PLCB1: variants seen among roughly 807,000 people sequenced by gnomAD.
PLCB1 encodes the protein 1-phosphatidylinositol 4,5-bisphosphate phosphodiesterase beta-1.
A neutral mutation model predicts 161.8 loss-of-function variants in PLCB1; 46 were observed. The observed-to-expected ratio is 0.28, with a 90% CI of 0.22 to 0.36. The LOEUF (loss-of-function observed/expected upper bound fraction) is 0.36. PLCB1 is among the 10% of genes least tolerant of loss of function. The pLI, the probability that PLCB1 is intolerant of heterozygous loss-of-function variation, is 1.00. For synonymous variants in PLCB1, 517 were observed against 503.7 expected (o/e 1.03, Z -0.35); for missense variants, 1,016 against 1,472.5 (o/e 0.69, Z 5.07).
intron 2 of PLCB1, among the ~76,000 whole-genome samples, chr20:8,324,810 T>C (rs953704622): frequency 1.3e-5 from 2 of 152,232 alleles, no homozygotes; most frequent in East Asian, 1.9e-4. Flanking sequence ...AAAAATTTAC[T>C]TATGCTCAAA....
chr20:8,250,905 A>G (rs900340013), intron 2 of PLCB1, among the ~76,000 whole-genome samples: 6 of 152,006 alleles, frequency 3.9e-5, no homozygotes, highest in Admixed American at 3.3e-4. Flanking sequence ...GAGTGATACA[A>G]ACAAAACAAC....
At chr20:8,608,237 T>G (rs1275343292) in intron 3 of PLCB1, among the ~76,000 whole-genome samples, 2 of 152,168 alleles carry the variant, frequency 1.3e-5, no homozygotes, top group Non-Finnish European at 2.9e-5. Flanking sequence ...GCACAAAATT[T>G]AAATAATATG....
intron 3 of PLCB1, among the ~76,000 whole-genome samples, chr20:8,548,666 A>G (rs1185089674): frequency 1.3e-5 from 2 of 152,036 alleles, no homozygotes; most frequent in East Asian, 3.9e-4. Flanking sequence ...CAGATCACTT[A>G]TTTCTACTTA....
At chr20:8,649,086 T>C (rs1434933199) in intron 6 of PLCB1, among the ~76,000 whole-genome samples, 1 of 152,222 alleles carries the variant, frequency 6.6e-6, no homozygotes, top group Non-Finnish European at 1.5e-5. Context: ...TAAGGATGTT[T>C]ATTTTAGTGC....
intron 9 of PLCB1, among the ~76,000 whole-genome samples, chr20:8,662,106 A>ATATACAAT (rs1989663180): frequency 0.42 from 35 of 84 alleles, 3 homozygotes; most frequent in East Asian, 0.75. Flanking sequence ...TTATATAATT[A>ATATACAAT]TATATAATTA....
rs140739322 is a variant in PLCB1, at chr20:8,398,071, A to T, written c.246+26621A>T. The stretch of plus-strand genomic sequence containing the variant: ...GCAGTGTATTACAGAATCTTTATTC[A>T]CACAGTCTCACCACAAAGTGTATTG... On this transcript the variant is annotated intron_variant, in intron 3 of 31. Coordinates refer to ENST00000338037, the MANE Select transcript of PLCB1 (RefSeq NM_015192.4). Among the ~76,000 whole-genome samples, 493 of 152,212 alleles carry T rather than the reference A, an allele frequency of 3.2e-3. 6 individuals are homozygous for T. The highest frequency in any genetic ancestry group is 0.011 in the African/African-American group (475 of 41,540).
chr20:8,873,016 A>C (rs1471716026), intron 31 of PLCB1, among the ~76,000 whole-genome samples: 7 of 152,184 alleles, frequency 4.6e-5, no homozygotes, highest in Non-Finnish European at 8.8e-5. Context: ...GTACTGTTTC[A>C]TTTTGCCTTT....
At chr20:8,228,830 C>T (rs1251758471) in intron 2 of PLCB1, among the ~76,000 whole-genome samples, 1 of 152,006 alleles carries the variant, frequency 6.6e-6, no homozygotes, top group African/African-American at 2.4e-5. Context: ...TGATACATGT[C>T]TAGTGATCAA....
At chr20:8,648,782 T>A (rs1295108151) in intron 6 of PLCB1, among the ~76,000 whole-genome samples, 1 of 151,704 alleles carries the variant, frequency 6.6e-6, no homozygotes, top group African/African-American at 2.4e-5. Context: ...TTTGCAAAAA[T>A]TTTTAAAAAT....
At chr20:8,152,096 G>A (rs2123035427) in intron 2 of PLCB1, among the ~76,000 whole-genome samples, 1 of 152,162 alleles carries the variant, frequency 6.6e-6, no homozygotes. Flanking sequence ...CAGATAATGT[G>A]GTAGCAATTC....
rs1291948959 is a variant in PLCB1 at position 8,616,694 on chromosome 20, G to A, written c.247-11600G>A. On this transcript the variant is annotated intron_variant, in intron 3 of 31. Transcript: ENST00000338037. ...ATGAGACAGATGCCCCCAAGCACAAGGAAAATGCTGAGTCTTCTACAAAAG... is the reference window on the plus strand; with the variant it reads ...ATGAGACAGATGCCCCCAAGCACAAAGAAAATGCTGAGTCTTCTACAAAAG... Among the ~76,000 whole-genome samples, 3 of 152,140 alleles carry A rather than the reference G, an allele frequency of 2.0e-5. No homozygotes were observed. The South Asian group carries it at 6.2e-4, about 31-fold the overall frequency.
At chr20:8,280,547 G>C (rs886150089) in intron 2 of PLCB1, among the ~76,000 whole-genome samples, 2 of 152,046 alleles carry the variant, frequency 1.3e-5, no homozygotes. Context: ...ATGACTGCAA[G>C]AAATTTTGAT....
At chr20:8,357,367 A>G (rs1380587066) in intron 2 of PLCB1, among the ~76,000 whole-genome samples, 1 of 152,226 alleles carries the variant, frequency 6.6e-6, no homozygotes, top group African/African-American at 2.4e-5. Flanking sequence ...CTTTGAGGAA[A>G]TGATCTGAAG....
At chr20:8,678,579 C>T (rs1443873802) in intron 9 of PLCB1, among the ~76,000 whole-genome samples, 12 of 152,174 alleles carry the variant, frequency 7.9e-5, no homozygotes, top group Admixed American at 3.9e-4. Flanking sequence ...GGCTTCTCGA[C>T]CATGTTGTTT....
chr20:8,833,427 C>A (rs1343837575), intron 31 of PLCB1, among the ~76,000 whole-genome samples: 1 of 152,168 alleles, frequency 6.6e-6, no homozygotes, highest in Non-Finnish European at 1.5e-5. Flanking sequence ...GGGTCCCTCC[C>A]ATTACTCATG....
At chr20:8,541,966 G>GT (rs1187372530) in intron 3 of PLCB1, among the ~76,000 whole-genome samples, 1 of 152,206 alleles carries the variant, frequency 6.6e-6, no homozygotes, top group African/African-American at 2.4e-5. Flanking sequence ...TTACCCAGCT[G>GT]TTAGTAATTT....
intron 3 of PLCB1, among the ~76,000 whole-genome samples, chr20:8,466,091 T>TA (rs1391946465): frequency 1.4e-5 from 2 of 147,182 alleles, no homozygotes; most frequent in African/African-American, 5.0e-5. Context: ...CCAACAATGA[T>TA]AGACTGGATT....
intron 12 of PLCB1, among the ~76,000 whole-genome samples, chr20:8,710,118 T>C (rs1241930726): frequency 6.6e-6 from 1 of 152,180 alleles, no homozygotes; most frequent in Non-Finnish European, 1.5e-5. Context: ...AGAGGTTTAA[T>C]TGGCTCACAG....
intron 2 of PLCB1, among the ~76,000 whole-genome samples, chr20:8,346,637 G>A (rs1276962095): frequency 2.0e-5 from 3 of 152,096 alleles, no homozygotes; most frequent in Admixed American, 1.3e-4. Flanking sequence ...AATTCTGTTC[G>A]AGGACTCTTA....
Sources: allele counts gnomAD v4.1 joint callset (sites outside exome capture counted in the v4.1 genomes callset), GRCh38; gene constraint gnomAD v4.1.1; transcripts MANE v1.5; gene names NCBI Gene and HGNC (gene_info 2026-07-23, HGNC 2026-07-21).